The following HGD variants were observed in gnomAD, a reference collection of about 807,000 sequenced individuals.
The protein encoded by HGD is homogentisate oxidase.
A neutral mutation model predicts 60.8 loss-of-function variants in HGD; 61 were observed. The ratio of observed to expected loss-of-function variants is 1.00; its 90% CI spans 0.82 to 1.24. The LOEUF (loss-of-function observed/expected upper bound fraction) is 1.24. Among genes scored for constraint, HGD ranks in the 50% most tolerant of loss-of-function variants. The pLI, the probability that HGD is intolerant of heterozygous loss-of-function variation, is 0.00. For missense variants in HGD, 542 were observed against 547.1 expected, an observed-to-expected ratio of 0.99 and a Z score of 0.09; for synonymous variants, 212 against 187.7, an observed-to-expected ratio of 1.13 and a Z score of -1.06.
At chr3:120,642,112 A>G (rs1050764187) in intron 10 of HGD, among the ~76,000 whole-genome samples, 1 of 152,152 alleles carries the variant, frequency 6.6e-6, no homozygotes, top group African/African-American at 2.4e-5. Context: ...GGAGCTTGCA[A>G]TAGACACAGT....
intron 6 of HGD, among the ~76,000 whole-genome samples, chr3:120,650,335 G>A (rs1941300166): frequency 6.6e-6 from 1 of 152,186 alleles, no homozygotes; most frequent in Non-Finnish European, 1.5e-5. Context: ...ATAAAACCAA[G>A]CTGTAGCCCA....
chr3:120,654,800 C>A (rs538201658), intron 4 of HGD, among the ~76,000 whole-genome samples: 1 of 152,148 alleles, frequency 6.6e-6, no homozygotes, highest in Non-Finnish European at 1.5e-5. Flanking sequence ...AGGCCAGGGG[C>A]GGTGGCTCAC....
In HGD at chr3:120,633,264, G is replaced by T; in HGVS notation, c.1071C>A (p.Phe357Leu). The change falls in exon 13 of 14, where the codon TTC becomes TTA. Residue 357 changes from phenylalanine (F) to leucine (L), a missense_variant. By Grantham distance (22) the Phe-to-Leu change is conservative (BLOSUM62 0). This residue lies in a region of HGD where 537 missense variants were observed against 529.1 expected (regional missense o/e 1.01). Coordinates refer to ENST00000283871, the MANE Select transcript of HGD (RefSeq NM_000187.4). ...RGHYEAKQGG[F>L]LPGGGSLHST... is the part of the protein sequence containing the mutation. ...TGTGTAGACTCCCTCCCCCTGGCAG[G>T]AACCCACCTTGCTTTGCCTCATAGT... is the stretch of plus-strand genomic sequence containing the variant. The T allele has an allele frequency of 6.2e-7, 1 of 1,613,990 alleles. No homozygotes were observed.
chr3:120,668,940 C>T lies in HGD; in HGVS notation c.282+1487G>A, dbSNP rs148523518. Among the ~76,000 whole-genome samples, 721 of 151,956 alleles carry T rather than the reference C, an allele frequency of 4.7e-3. 4 individuals carry two copies. Among genetic ancestry groups the T allele is most frequent in the African/African-American group, 0.016 (675 of 41,516 alleles). Reference sequence around the variant, plus strand: ...CAGAAGGTTAAAAAAAGAGCTCAGTCGTTTATAGCACTGGGTCTATCTCAT... The same window carrying T: ...CAGAAGGTTAAAAAAAGAGCTCAGTTGTTTATAGCACTGGGTCTATCTCAT... On this transcript the variant is annotated intron_variant, in intron 4 of 13. Transcript: ENST00000283871.
At chr3:120,646,207 A>G (rs986742288) in intron 9 of HGD, 60 bp downstream of exon 9, 2 of 1,022,408 alleles carry the variant, frequency 2.0e-6, no homozygotes, top group South Asian at 1.3e-5. Flanking sequence ...TTTAACTTTC[A>G]TGCAATTATC....
At position 120,633,315 on chromosome 3, in the gene HGD, A is replaced by G; in HGVS notation, c.1020T>C (p.Ser340=). 1 of 1,614,120 alleles carries G rather than the reference A, an allele frequency of 6.2e-7. No homozygotes were observed. Residue 340 remains serine, a synonymous_variant, in exon 13 of 14, where the codon AGT becomes AGC. Coordinates refer to ENST00000283871, the MANE Select transcript of HGD (RefSeq NM_000187.4). The part of the protein sequence containing the change: ...RPPYYHRNCM[S]EFMGLIRGHY... ...GACCTCGGATGAGTCCCATGAACTC[A>G]CTCATGCAGTTCCCTGGGAAGGTTG...
intron 12 of HGD, chr3:120,633,635 C>G (rs974572613): frequency 1.5e-6 from 2 of 1,315,576 alleles, no homozygotes; most frequent in Non-Finnish European, 2.0e-6. Flanking sequence ...AATTAAAATG[C>G]TAGTCATAAT....
chr3:120,635,516 T>G, intron 12 of HGD, among the ~76,000 whole-genome samples: 1 of 145,400 alleles, frequency 6.9e-6, no homozygotes, highest in East Asian at 2.0e-4. Context: ...TCTAGTTGAC[T>G]AAGGCACATT....
chr3:120,650,030 A>G (rs1184236640), intron 6 of HGD, among the ~76,000 whole-genome samples: 1 of 152,184 alleles, frequency 6.6e-6, no homozygotes, highest in Non-Finnish European at 1.5e-5. Flanking sequence ...AGGTGCCTCT[A>G]CTTGCAAGTG....
At chr3:120,649,411 G>T (rs1941267548) in intron 6 of HGD, among the ~76,000 whole-genome samples, 1 of 151,884 alleles carries the variant, frequency 6.6e-6, no homozygotes, top group African/African-American at 2.4e-5. Context: ...TCAAAGTACT[G>T]GGATTACAGG....
At chr3:120,636,992 G>T (rs1404981812) in intron 12 of HGD, among the ~76,000 whole-genome samples, 3 of 152,134 alleles carry the variant, frequency 2.0e-5, no homozygotes, top group Non-Finnish European at 2.9e-5. Context: ...ACAAAAAAAT[G>T]CACACTCCAG....
At chr3:120,631,345 T>C (rs1466375989) in intron 13 of HGD, among the ~76,000 whole-genome samples, 1 of 152,134 alleles carries the variant, frequency 6.6e-6, no homozygotes, top group Non-Finnish European at 1.5e-5. Flanking sequence ...TTAAAATAAC[T>C]GAAAGAATAT....
In HGD at chr3:120,670,529, C is replaced by A; in HGVS notation, c.180G>T (p.Trp60Cys). 1 of 1,562,678 alleles carries A rather than the reference C, an allele frequency of 6.4e-7. No homozygotes were observed. The highest frequency in any genetic ancestry group is 8.8e-7 in the Non-Finnish European group (1 of 1,133,126). The change falls in exon 4 of 14, where the codon TGG (tryptophan) becomes TGT (cysteine). Residue 60 changes from tryptophan (W) to cysteine (C), a missense_variant. Transcript: ENST00000283871. ...AAACTGAAGGTAGAATCCTATACAG[C>A]CAGCTAGAGGGAAAAACATACAAGA... is the stretch of plus-strand genomic sequence containing the variant. ...TCPRSTNKRS[W>C]LYRILPSVSH...
At chr3:120,663,448 G>T (rs1371708253) in intron 4 of HGD, among the ~76,000 whole-genome samples, 2 of 152,168 alleles carry the variant, frequency 1.3e-5, no homozygotes, top group Admixed American at 6.5e-5. Flanking sequence ...CATCTCATTT[G>T]GGTGGCAGCA....
chr3:120,635,074 G>A (rs1940716555), intron 12 of HGD, among the ~76,000 whole-genome samples: 1 of 152,194 alleles, frequency 6.6e-6, no homozygotes, highest in African/African-American at 2.4e-5. Flanking sequence ...ACAGAATTCA[G>A]CTTTGATCTG....
intron 9 of HGD, among the ~76,000 whole-genome samples, chr3:120,645,362 A>G (rs568863311): frequency 4.6e-4 from 70 of 152,294 alleles, no homozygotes; most frequent in Non-Finnish European, 9.1e-4. Flanking sequence ...GAAGGCACAC[A>G]CTGGCCTGTC....
Position 120,628,371 on chromosome 3 carries a change from G to T in HGD, c.*9C>A, listed in dbSNP as rs760180599. ...ATCTACTCTTAATTATGGTAGCAAT[G>T]TTCCAGTCTCAATTAGGTTCTGCTG... On this transcript the variant is annotated 3_prime_UTR_variant, in exon 14 of 14. Coordinates refer to ENST00000283871, the MANE Select transcript of HGD (RefSeq NM_000187.4). 6.2e-7 allele frequency: 1 copy of T among 1,613,316 alleles called. No homozygotes were observed. Among genetic ancestry groups the T allele is most frequent in the Non-Finnish European group, 8.5e-7 (1 of 1,179,412 alleles).
chr3:120,650,843 G>C lies in HGD; in HGVS notation c.365C>G (p.Ala122Gly). The C allele has an allele frequency of 6.2e-7, 1 of 1,613,906 alleles. No homozygotes were observed. The highest frequency in any genetic ancestry group is 8.5e-7 in the Non-Finnish European group (1 of 1,179,782). ...CCCATTGTTAGACTTTATGTCTCCAGCTCCACACAAGGTATGCAGGCCCTG... is the reference window on the plus strand; with the variant it reads ...CCCATTGTTAGACTTTATGTCTCCACCTCCACACAAGGTATGCAGGCCCTG... ...FVSGLHTLCG[A>G]GDIKSNNGLA... Residue 122 changes from alanine to glycine, a missense_variant, in exon 6 of 14, where the codon GCT (alanine) becomes GGT (glycine). By Grantham distance (60) the Ala-to-Gly change is moderately conservative (BLOSUM62 0). Around this residue, in one of 2 missense-constraint regions of HGD, gnomAD observed 537 missense variants for 529.1 expected, o/e 1.01. Transcript: ENST00000283871.
intron 4 of HGD, among the ~76,000 whole-genome samples, chr3:120,665,467 A>G (rs1379134445): frequency 2.6e-5 from 4 of 152,226 alleles, no homozygotes; most frequent in Non-Finnish European, 5.9e-5. Context: ...GTTAAATTGG[A>G]TGTAGATTAG....
Sources: allele counts gnomAD v4.1 joint callset (sites outside exome capture counted in the v4.1 genomes callset), GRCh38; gene constraint gnomAD v4.1.1; regional missense constraint gnomAD v4.1.1; transcripts MANE v1.5; gene names NCBI Gene and HGNC (gene_info 2026-07-23, HGNC 2026-07-21).